Variants in SLCO6A1 observed in about 807,000 individuals in gnomAD.
SLCO6A1 encodes the protein solute carrier organic anion transporter family member 6A1.
In SLCO6A1, 65 loss-of-function variants were observed where a neutral mutation model predicts 72.7. That is an observed-to-expected ratio of 0.89 (90% CI 0.73 to 1.10). SLCO6A1 has a LOEUF of 1.10. Ranked by LOEUF, SLCO6A1 falls within the 50% of genes least tolerant of loss-of-function variation. The probability of loss-of-function intolerance (pLI) is 0.00; values close to 1 mark genes in which losing one functional copy is unlikely to be tolerated. For missense variants in SLCO6A1, 874 were observed against 872.6 expected (o/e 1.00, Z -0.02); for synonymous variants, 314 against 298.2 (o/e 1.05, Z -0.55).
intron 4 of SLCO6A1, among the ~76,000 whole-genome samples, chr5:102,471,559 C>G (rs557008981): frequency 2.0e-5 from 3 of 152,146 alleles, no homozygotes; most frequent in African/African-American, 7.2e-5. Context: ...TTTAAAATTA[C>G]TTTTGTCATT....
chr5:102,438,122 AT>A (rs1325514107), intron 7 of SLCO6A1, among the ~76,000 whole-genome samples: 6 of 152,208 alleles, frequency 3.9e-5, no homozygotes, highest in Admixed American at 3.9e-4. Context: ...CAACATATCC[AT>A]TAATTGGATA....
chr5:102,477,883 T>C, intron 2 of SLCO6A1, 22 bp from the exon 3 acceptor site: 3 of 1,570,128 alleles, frequency 1.9e-6, no homozygotes, highest in Non-Finnish European at 2.6e-6. Context: ...ACAATGATTA[T>C]ATTTTTGTTA....
At chr5:102,473,734 G>A (rs1050149281) in intron 4 of SLCO6A1, among the ~76,000 whole-genome samples, 1 of 151,892 alleles carries the variant, frequency 6.6e-6, no homozygotes, top group Non-Finnish European at 1.5e-5. Flanking sequence ...ATACATACTT[G>A]CATACACATA....
At chr5:102,490,387 TTAAAA>T (rs1302049328) in intron 1 of SLCO6A1, among the ~76,000 whole-genome samples, 1 of 152,178 alleles carries the variant, frequency 6.6e-6, no homozygotes, top group Non-Finnish European at 1.5e-5. Context: ...TATATGTCAA[TTAAAA>T]AATAAAATAA....
intron 6 of SLCO6A1, among the ~76,000 whole-genome samples, chr5:102,445,886 A>T (rs1580440796): frequency 6.6e-6 from 1 of 151,694 alleles, no homozygotes; most frequent in Non-Finnish European, 1.5e-5. Flanking sequence ...GTAGGTGTGC[A>T]CCTTTATTTC....
intron 3 of SLCO6A1, 135 bp from the exon 4 acceptor site, chr5:102,475,928 C>CA: frequency 2.0e-6 from 1 of 499,606 alleles, no homozygotes; most frequent in East Asian, 3.2e-5. Flanking sequence ...TCCAGAGAAA[C>CA]AAAATCAATA....
At chr5:102,394,010 C>T (rs1348795544) in intron 10 of SLCO6A1, among the ~76,000 whole-genome samples, 2 of 152,270 alleles carry the variant, frequency 1.3e-5, no homozygotes, top group Admixed American at 6.5e-5. Context: ...CCAGTTGTGA[C>T]CCCCAACCTG....
At chr5:102,405,853 T>C (rs547982898) in intron 9 of SLCO6A1, among the ~76,000 whole-genome samples, 48 of 152,212 alleles carry the variant, frequency 3.2e-4, no homozygotes, top group African/African-American at 1.1e-3. Context: ...AATATATGTA[T>C]AGCTATAAGA....
intron 9 of SLCO6A1, among the ~76,000 whole-genome samples, chr5:102,404,731 A>G (rs1747582097): frequency 6.6e-6 from 1 of 152,138 alleles, no homozygotes; most frequent in African/African-American, 2.4e-5. Context: ...TGTTAGTATG[A>G]AATGTTAGAC....
chr5:102,373,611 C>A, intron 12 of SLCO6A1, 117 bp from the exon 13 acceptor site: 2 of 556,550 alleles, frequency 3.6e-6, no homozygotes, highest in Non-Finnish European at 5.6e-6. Context: ...GTATAAATTT[C>A]CCAATTTTAG....
intron 13 of SLCO6A1, among the ~76,000 whole-genome samples, chr5:102,373,024 A>C (rs139377549): frequency 1.3e-5 from 2 of 152,024 alleles, no homozygotes; most frequent in East Asian, 3.9e-4. Context: ...AAGGGAACCT[A>C]ATTAATTCCA....
At chr5:102,467,629 G>A (rs1597772) in intron 4 of SLCO6A1, among the ~76,000 whole-genome samples, 96,773 of 151,882 alleles carry the variant, frequency 0.64, 31,013 homozygotes, top group African/African-American at 0.66. Context: ...CAGCCAAACC[G>A]TATCAGTGGC....
chr5:102,407,181 C>T (rs1262360304), intron 9 of SLCO6A1, among the ~76,000 whole-genome samples: 1 of 152,206 alleles, frequency 6.6e-6, no homozygotes, highest in African/African-American at 2.4e-5. Flanking sequence ...TGTCAGCTTG[C>T]CATTGCCATG....
At chr5:102,464,686 A>G (rs1266323378) in intron 4 of SLCO6A1, among the ~76,000 whole-genome samples, 2 of 152,170 alleles carry the variant, frequency 1.3e-5, no homozygotes, top group Non-Finnish European at 2.9e-5. Flanking sequence ...AGAGGGTCAT[A>G]AGACAAATGT....
At chr5:102,495,628 A>G (rs1752875996) in intron 1 of SLCO6A1, among the ~76,000 whole-genome samples, 1 of 152,128 alleles carries the variant, frequency 6.6e-6, no homozygotes, top group South Asian at 2.1e-4. Context: ...TAAATAAATA[A>G]ATAATAAAAA....
chr5:102,489,850 C>T (rs182573228), intron 1 of SLCO6A1, among the ~76,000 whole-genome samples: 59 of 152,194 alleles, frequency 3.9e-4, no homozygotes, highest in African/African-American at 1.3e-3. Context: ...ACCTAAGTGT[C>T]CATTGACAGA....
At chr5:102,430,895 T>C (rs774628237) in intron 7 of SLCO6A1, among the ~76,000 whole-genome samples, 1 of 152,156 alleles carries the variant, frequency 6.6e-6, no homozygotes, top group South Asian at 2.1e-4. Context: ...GTACATTTGG[T>C]AGAGTTTGAC....
chr5:102,445,275 A>C (rs959256504), intron 6 of SLCO6A1, among the ~76,000 whole-genome samples: 4 of 152,298 alleles, frequency 2.6e-5, no homozygotes, highest in South Asian at 2.1e-4. Context: ...GCTGGTGTGC[A>C]ATAACATCTT....
At chr5:102,391,201 A>C in intron 10 of SLCO6A1, 156 bp from the exon 11 acceptor site, 5 of 645,538 alleles carry the variant, frequency 7.7e-6, no homozygotes, top group Non-Finnish European at 1.3e-5. Context: ...CTGTTAAAGG[A>C]CTACAACTCC....
Sources: gnomAD v4.1 joint callset for allele counts (sites outside exome capture counted in the v4.1 genomes callset) on GRCh38, gnomAD v4.1.1 for gene constraint, MANE v1.5 for transcripts, NCBI Gene and HGNC (gene_info 2026-07-23, HGNC 2026-07-21) for gene names.